The following PXT1 variants were observed in gnomAD, a reference collection of about 807,000 sequenced individuals.
PXT1 encodes peroxisomal testis enriched protein 1.
In PXT1, 11 loss-of-function variants were observed where a neutral mutation model predicts 11.0. The observed-to-expected ratio is 1.00, with a 90% CI of 0.63 to 1.66. The LOEUF (loss-of-function observed/expected upper bound fraction) is 1.66, where lower values mean the gene tolerates loss of function less well. Among genes scored for constraint, PXT1 ranks in the 40% most tolerant of loss-of-function variants. The probability of loss-of-function intolerance (pLI) is 0.00; values close to 1 mark genes in which losing one functional copy is unlikely to be tolerated. For missense variants in PXT1, 141 were observed against 155.5 expected (o/e 0.91, Z 0.49); for synonymous variants, 43 against 51.4 (o/e 0.84, Z 0.70).
chr6:36,432,289 A>C (rs1430427414), intron 2 of PXT1, among the ~76,000 whole-genome samples: 1 of 152,156 alleles, frequency 6.6e-6, no homozygotes, highest in Admixed American at 6.5e-5. Flanking sequence ...CAAAAGCCCA[A>C]AGGTAGTAAA....
chr6:36,410,826 A>G (rs1333824702), intron 3 of PXT1, among the ~76,000 whole-genome samples: 1 of 152,148 alleles, frequency 6.6e-6, no homozygotes, highest in African/African-American at 2.4e-5. Flanking sequence ...GCACCATCTG[A>G]GTCTCCATTT....
intron 3 of PXT1, among the ~76,000 whole-genome samples, chr6:36,420,986 C>T (rs1368840466): frequency 4.7e-5 from 7 of 149,638 alleles, no homozygotes; most frequent in Admixed American, 6.7e-5. Context: ...ACCCGGGAGG[C>T]GGAGGTTGCA....
intron 1 of PXT1, among the ~76,000 whole-genome samples, chr6:36,440,576 CAA>C (rs78313648): frequency 9.7e-5 from 11 of 113,968 alleles, no homozygotes; most frequent in Non-Finnish European, 9.3e-5. Context: ...GACACTGTCT[CAA>C]AAAAAAAAAA....
intron 1 of PXT1, among the ~76,000 whole-genome samples, chr6:36,440,493 C>T (rs982741677): frequency 2.0e-5 from 3 of 151,708 alleles, no homozygotes; most frequent in Non-Finnish European, 2.9e-5. Flanking sequence ...TGGCGTGAAC[C>T]TGGGAGGGGG....
intron 2 of PXT1, among the ~76,000 whole-genome samples, chr6:36,434,745 C>T (rs1001528179): frequency 1.3e-5 from 2 of 152,158 alleles, no homozygotes; most frequent in African/African-American, 4.8e-5. Flanking sequence ...GTTTGTCAGT[C>T]AGACAATTCA....
chr6:36,428,476 C>A (rs960456558), intron 2 of PXT1, among the ~76,000 whole-genome samples: 3 of 150,852 alleles, frequency 2.0e-5, no homozygotes, highest in East Asian at 1.9e-4. Context: ...AGCTACCAGG[C>A]GAGTTTCTTA....
intron 3 of PXT1, among the ~76,000 whole-genome samples, chr6:36,407,462 T>C (rs1187398184): frequency 6.6e-6 from 1 of 152,222 alleles, no homozygotes; most frequent in Non-Finnish European, 1.5e-5. Context: ...GCTCATTTTA[T>C]GTAATATTTG....
intron 2 of PXT1, among the ~76,000 whole-genome samples, chr6:36,437,511 TG>T (rs1216083503): frequency 2.9e-4 from 25 of 86,070 alleles, no homozygotes; most frequent in African/African-American, 1.0e-3. Flanking sequence ...ATTTTTTGTG[TG>T]GGTTTTTTTT....
At chr6:36,404,653 T>TAA (rs552096679) in intron 3 of PXT1, among the ~76,000 whole-genome samples, 4 of 138,332 alleles carry the variant, frequency 2.9e-5, no homozygotes, top group Non-Finnish European at 3.1e-5. Flanking sequence ...TTCTACTTAC[T>TAA]AAAAAAAAAA....
chr6:36,393,752 A>G (rs988395283), intron 4 of PXT1, among the ~76,000 whole-genome samples: 6 of 151,696 alleles, frequency 4.0e-5, no homozygotes, highest in African/African-American at 9.7e-5. Context: ...CACCTTCTCA[A>G]TGAGGCCTTC....
At chr6:36,435,218 T>G (rs1774744808) in intron 2 of PXT1, among the ~76,000 whole-genome samples, 1 of 152,148 alleles carries the variant, frequency 6.6e-6, no homozygotes, top group Admixed American at 6.6e-5. Context: ...GAGGGAAGAT[T>G]GCTTCAGCCC....
intron 3 of PXT1, among the ~76,000 whole-genome samples, chr6:36,403,073 T>G (rs1774237684): frequency 1.3e-5 from 2 of 151,676 alleles, no homozygotes. Flanking sequence ...TTGGCCGGAG[T>G]GGTCTCAAAC....
chr6:36,423,817 G>A (rs1262986521), intron 3 of PXT1, among the ~76,000 whole-genome samples: 4 of 152,162 alleles, frequency 2.6e-5, no homozygotes, highest in Non-Finnish European at 5.9e-5. Flanking sequence ...GTTTCTAATT[G>A]TTTGGCAGGC....
At position 36,426,104 on chromosome 6, in the gene PXT1, A is replaced by C. The variant is rs1300127063; in HGVS notation, c.-9-13T>G. 2.1e-6 allele frequency: 3 copies of C among 1,461,432 alleles called. No individual in the cohort carries two copies. The highest frequency in any genetic ancestry group is 2.7e-6 in the Non-Finnish European group (3 of 1,095,608). 90.5% of individuals were successfully genotyped at this position (1,461,432 alleles called of 1,614,324 possible). A position where few individuals can be genotyped will look rare whatever the true frequency, so the allele number is the denominator to read the frequency against. On this transcript the variant is annotated splice_polypyrimidine_tract_variant and intron_variant, in intron 2 of 4. Transcript: ENST00000454782. Reference sequence around the variant, plus strand: ...TCATGTTTTTTCCCTGTTGAAAAACATATTTTCAGAGGCTTTCCCCCATTT... The same window carrying C: ...TCATGTTTTTTCCCTGTTGAAAAACCTATTTTCAGAGGCTTTCCCCCATTT...
intron 3 of PXT1, among the ~76,000 whole-genome samples, chr6:36,408,961 C>A (rs1474663927): frequency 6.6e-6 from 1 of 152,126 alleles, no homozygotes; most frequent in Non-Finnish European, 1.5e-5. Context: ...GAGAATCCTA[C>A]GTAAGGACCT....
intron 2 of PXT1, among the ~76,000 whole-genome samples, chr6:36,434,011 C>T (rs1272815347): frequency 6.6e-6 from 1 of 151,512 alleles, no homozygotes; most frequent in Non-Finnish European, 1.5e-5. Flanking sequence ...AGTGGATATA[C>T]TAGTGTTGGC....
intron 2 of PXT1, among the ~76,000 whole-genome samples, chr6:36,432,765 T>C (rs79547039): frequency 0.014 from 2,087 of 152,166 alleles, 45 homozygotes; most frequent in African/African-American, 0.045. Context: ...CCATAGGAAA[T>C]GGGAAATGCC....
chr6:36,432,645 G>A (rs766423115), intron 2 of PXT1, among the ~76,000 whole-genome samples: 4 of 152,116 alleles, frequency 2.6e-5, no homozygotes, highest in Non-Finnish European at 4.4e-5. Flanking sequence ...GAGATAGATG[G>A]GAGAAATGTA....
At chr6:36,441,114 A>G (rs1774854947) in intron 1 of PXT1, among the ~76,000 whole-genome samples, 2 of 151,480 alleles carry the variant, frequency 1.3e-5, no homozygotes, top group Admixed American at 6.6e-5. Flanking sequence ...ACAAAAAGAA[A>G]AAAAAAAAAA....
Sources: gnomAD v4.1 joint callset for allele counts (sites outside exome capture counted in the v4.1 genomes callset) on GRCh38, gnomAD v4.1.1 for gene constraint, MANE v1.5 for transcripts, NCBI Gene and HGNC (gene_info 2026-07-23, HGNC 2026-07-21) for gene names.